BRI3: variants seen among roughly 807,000 people sequenced by gnomAD.
The protein encoded by BRI3 is brain protein I3.
A neutral mutation model predicts 12.8 loss-of-function variants in BRI3; 6 were observed. The observed-to-expected ratio is 0.47, with a 90% CI of 0.26 to 0.93. BRI3 has a LOEUF of 0.93. BRI3 is among the 40% of genes least tolerant of loss of function. The probability of loss-of-function intolerance (pLI) is 0.15; values close to 1 mark genes in which losing one functional copy is unlikely to be tolerated. For synonymous variants in BRI3, 91 were observed against 76.1 expected (o/e 1.20, Z -1.02); for missense variants, 134 against 171.1 (o/e 0.78, Z 1.21).
At chr7:98,306,566 G>T in exon 1 of BRI3, 1 of 1,613,498 alleles carries the variant, frequency 6.2e-7, no homozygotes, top group Non-Finnish European at 8.5e-7. Context: ...ACATGTGGAC[G>T]GCAACCTCCC....
At chr7:98,307,423 A>T in intron 1 of BRI3, 2 of 1,303,332 alleles carry the variant, frequency 1.5e-6, no homozygotes, top group Non-Finnish European at 9.8e-7. Flanking sequence ...AATTTTTTTT[A>T]AAAACAAAAG....
chr7:98,310,407 A>C, exon 2 of BRI3: 1 of 1,558,372 alleles, frequency 6.4e-7, no homozygotes, highest in Non-Finnish European at 8.7e-7. Context: ...AAACAAATGT[A>C]AAAGGTATCT....
At chr7:98,305,173 G>A (rs532816278), upstream of BRI3, among the ~76,000 whole-genome samples, 4 of 147,786 alleles carry the variant, frequency 2.7e-5, no homozygotes, top group South Asian at 2.2e-4. Flanking sequence ...TTACAGGCAT[G>A]AGCCCCTGCG....
Position 98,291,332 on chromosome 7 carries a change from G to A in BRI3, c.*89G>A. Reference sequence around the variant, plus strand: ...AATAATTTTATTTGATTAAGCTTCAGGACTGTTTTGTAAAGCGAGGTGGGA... The same window carrying A: ...AATAATTTTATTTGATTAAGCTTCAAGACTGTTTTGTAAAGCGAGGTGGGA... On this transcript the variant is annotated 3_prime_UTR_variant, in exon 3 of 3. Coordinates refer to ENST00000297290, the MANE Select transcript of BRI3 (RefSeq NM_015379.5). 1 of 1,567,458 alleles carries A rather than the reference G, an allele frequency of 6.4e-7. No homozygotes were observed. The highest frequency in any genetic ancestry group is 8.7e-7 in the Non-Finnish European group (1 of 1,155,174).
chr7:98,312,086 C>G (rs1259748417), downstream of BRI3: 1 of 1,578,054 alleles, frequency 6.3e-7, no homozygotes, highest in African/African-American at 1.4e-5. Flanking sequence ...GAAGAGAAAA[C>G]TGGCTCCTAC....
chr7:98,292,905 G>C, downstream of BRI3: 4 of 1,414,826 alleles, frequency 2.8e-6, no homozygotes, highest in Non-Finnish European at 3.7e-6. Flanking sequence ...ACGTGTGGCT[G>C]TGATAAGGGC....
At chr7:98,309,531 A>C (rs909193558) in exon 2 of BRI3, 1 of 152,222 alleles carries the variant, frequency 6.6e-6, no homozygotes, top group Non-Finnish European at 1.5e-5. Context: ...AGAGTATTAC[A>C]TACTTTAACT....
At chr7:98,315,616 A>C in the BRI3 span, 1 of 863,054 alleles carries the variant, frequency 1.2e-6, no homozygotes, top group Non-Finnish European at 1.6e-6. Flanking sequence ...CCACATACTA[A>C]AAAAAAAAAA....
upstream of BRI3, among the ~76,000 whole-genome samples, chr7:98,303,208 G>T (rs138236332): frequency 2.6e-5 from 4 of 152,304 alleles, no homozygotes; most frequent in East Asian, 7.7e-4. Context: ...TAGGTCTGGG[G>T]CAGGCACATC....
At chr7:98,314,240 C>T (rs931480265), downstream of BRI3, among the ~76,000 whole-genome samples, 2 of 152,076 alleles carry the variant, frequency 1.3e-5, no homozygotes, top group Non-Finnish European at 2.9e-5. Flanking sequence ...ACTTTGGTCT[C>T]CCAAAGTGCT....
chr7:98,311,674 G>A (rs1372389871), downstream of BRI3, among the ~76,000 whole-genome samples: 6 of 151,940 alleles, frequency 3.9e-5, no homozygotes, highest in East Asian at 3.9e-4. Context: ...TTGGGAGGCC[G>A]AGGCAGACAG....
downstream of BRI3, chr7:98,292,520 C>T: frequency 1.0e-6 from 1 of 981,948 alleles, no homozygotes; most frequent in Non-Finnish European, 1.6e-6. Context: ...CCTTGGCAGC[C>T]AAAGATGATT....
intron 2 of BRI3, among the ~76,000 whole-genome samples, chr7:98,283,217 T>A (rs1046190208): frequency 1.3e-5 from 2 of 151,924 alleles, no homozygotes; most frequent in Non-Finnish European, 2.9e-5. Flanking sequence ...GACAGGGTTT[T>A]CAGCTGTGTC....
chr7:98,307,507 A>T, intron 1 of BRI3: 1 of 1,441,414 alleles, frequency 6.9e-7, no homozygotes, highest in Admixed American at 2.7e-5. Flanking sequence ...GTATCTCTAC[A>T]TGCACAGACA....
rs151306480 is a variant in BRI3, at chr7:98,300,109, A to T, written c.72-6374A>T. Among the ~76,000 whole-genome samples, 7 of 152,338 alleles carry T rather than the reference A, an allele frequency of 4.6e-5. No homozygotes were observed. The East Asian group carries it at 1.3e-3, about 29-fold the overall frequency. ...TCCTTCGTTGCACCATCCGTTTTTC[A>T]AGTGCTCTGCTGCCCTGTGTGCCCT... On this transcript the variant is annotated intron_variant and NMD_transcript_variant, in intron 1 of 2. Transcript: ENST00000491463.
At chr7:98,296,766 T>C (rs1369714644), downstream of BRI3, among the ~76,000 whole-genome samples, 1 of 152,254 alleles carries the variant, frequency 6.6e-6, no homozygotes, top group Non-Finnish European at 1.5e-5. Context: ...GATACAAGGC[T>C]GGCAGGAGCC....
chr7:98,281,734 C>T lies in BRI3; in HGVS notation c.-62C>T, dbSNP rs1252149933. ...CGCCGCGTCCCCGCCGCCGCCGCCG[C>T]GTCCCCCGCCGGGGCCGACCGAGCC... On this transcript the variant is annotated 5_prime_UTR_variant, in exon 1 of 3. Transcript: ENST00000297290. The T allele has an allele frequency of 5.8e-5, 52 of 890,764 alleles. No homozygotes were observed. Among genetic ancestry groups the T allele is most frequent in the Non-Finnish European group, 6.0e-5 (45 of 744,412 alleles). 55.2% of individuals were successfully genotyped at this position (890,764 alleles called of 1,614,324 possible).
intron 2 of BRI3, among the ~76,000 whole-genome samples, chr7:98,283,214 T>A (rs1191337858): frequency 6.6e-6 from 1 of 151,228 alleles, no homozygotes; most frequent in Non-Finnish European, 1.5e-5. Context: ...CGGGACAGGG[T>A]TTTCAGCTGT....
At chr7:98,299,895 G>C (rs1279025579) in intron 1 of BRI3, among the ~76,000 whole-genome samples, 1 of 152,082 alleles carries the variant, frequency 6.6e-6, no homozygotes, top group Non-Finnish European at 1.5e-5. Context: ...ACAAAAATTA[G>C]CTGGGTGTGG....
Sources: allele counts gnomAD v4.1 joint callset (sites outside exome capture counted in the v4.1 genomes callset), GRCh38; gene constraint gnomAD v4.1.1; transcripts MANE v1.5; gene names NCBI Gene and HGNC (gene_info 2026-07-23, HGNC 2026-07-21).